MAD1L1: variants seen among roughly 807,000 people sequenced by gnomAD.
MAD1L1 encodes mitotic arrest deficient 1 like 1.
Under a neutral mutation model 96.9 loss-of-function variants are expected in MAD1L1, and 95 were observed. That is an observed-to-expected ratio of 0.98 (90% CI 0.83 to 1.16). The LOEUF (loss-of-function observed/expected upper bound fraction) is 1.16, where lower values mean the gene tolerates loss of function less well. MAD1L1 is among the 50% of genes most tolerant of loss of function. The pLI is 0.00. For synonymous variants in MAD1L1, 473 were observed against 396.6 expected, an observed-to-expected ratio of 1.19 and a Z score of -2.29; for missense variants, 1,007 against 954.4, an observed-to-expected ratio of 1.06 and a Z score of -0.73.
intron 11 of MAD1L1, among the ~76,000 whole-genome samples, chr7:2,106,556 G>C (rs73038472): frequency 1.3e-5 from 2 of 152,128 alleles, no homozygotes; most frequent in African/African-American, 2.4e-5. Flanking sequence ...TCCCAGGGGT[G>C]GGGGGAGAAG....
At chr7:1,958,408 T>C (rs1779817193) in intron 15 of MAD1L1, among the ~76,000 whole-genome samples, 1 of 152,064 alleles carries the variant, frequency 6.6e-6, no homozygotes, top group African/African-American at 2.4e-5. Flanking sequence ...GGTTTAAAAA[T>C]AAAAAAAGTC....
chr7:2,140,312 GC>G (rs1362316574), intron 11 of MAD1L1, among the ~76,000 whole-genome samples: 1 of 152,140 alleles, frequency 6.6e-6, no homozygotes, highest in African/African-American at 2.4e-5. Context: ...GCCCCCGTCC[GC>G]CCTGCACATG....
chr7:2,059,603 T>G (rs1046928792), intron 12 of MAD1L1, among the ~76,000 whole-genome samples: 96 of 23,036 alleles, frequency 4.2e-3, no homozygotes, highest in Admixed American at 6.6e-3. Context: ...ACGGGGCTGG[T>G]GGGGAAGCGT....
intron 18 of MAD1L1, among the ~76,000 whole-genome samples, chr7:1,895,123 C>T (rs1786786122): frequency 6.6e-6 from 1 of 152,162 alleles, no homozygotes; most frequent in African/African-American, 2.4e-5. Flanking sequence ...GCGAGCTGGG[C>T]CCAGGTGAAG....
intron 18 of MAD1L1, among the ~76,000 whole-genome samples, chr7:1,897,216 T>TC (rs1786933958): frequency 3.4e-5 from 3 of 87,414 alleles, no homozygotes; most frequent in Non-Finnish European, 6.5e-5. Context: ...CTGACGGACA[T>TC]GCGTAGGCCG....
At chr7:2,164,151 G>A (rs140244175) in intron 10 of MAD1L1, among the ~76,000 whole-genome samples, 1 of 152,216 alleles carries the variant, frequency 6.6e-6, no homozygotes, top group African/African-American at 2.4e-5. Flanking sequence ...ACGAACCGCT[G>A]TATAAACAGA....
chr7:2,094,648 G>T (rs941391094), intron 11 of MAD1L1, among the ~76,000 whole-genome samples: 1 of 141,920 alleles, frequency 7.0e-6, no homozygotes, highest in Non-Finnish European at 1.5e-5. Context: ...AGGCCCTGGG[G>T]CAGGAGCGGG....
chr7:1,900,095 C>G (rs1026114381), intron 17 of MAD1L1, among the ~76,000 whole-genome samples: 3 of 152,202 alleles, frequency 2.0e-5, no homozygotes, highest in Non-Finnish European at 2.9e-5. Flanking sequence ...GCTGGGCACC[C>G]CCGATGGCGT....
intron 5 of MAD1L1, among the ~76,000 whole-genome samples, chr7:2,220,291 A>G (rs567165885): frequency 9.9e-5 from 15 of 152,274 alleles, no homozygotes; most frequent in African/African-American, 3.4e-4. Context: ...AGCCTCCAGG[A>G]CAGCAGGTCT....
intron 12 of MAD1L1, among the ~76,000 whole-genome samples, chr7:2,038,787 G>T (rs554192386): frequency 6.6e-6 from 1 of 152,114 alleles, no homozygotes; most frequent in East Asian, 1.9e-4. Flanking sequence ...AAAGTGCTGG[G>T]ATTCCATGCA....
At chr7:1,940,816 T>C (rs1248631801) in intron 16 of MAD1L1, among the ~76,000 whole-genome samples, 2 of 152,074 alleles carry the variant, frequency 1.3e-5, no homozygotes, top group Non-Finnish European at 2.9e-5. Context: ...TGTACAACGG[T>C]TCTTAGTTGA....
intron 14 of MAD1L1, among the ~76,000 whole-genome samples, chr7:1,987,967 G>A (rs975076080): frequency 6.6e-6 from 1 of 152,224 alleles, no homozygotes; most frequent in African/African-American, 2.4e-5. Context: ...GGAGGAGGCT[G>A]AGCTGGCAGG....
At position 2,091,671 on chromosome 7, in the gene MAD1L1, G is replaced by A. The variant is rs544776578; in HGVS notation, c.1074-22333C>T. Among the ~76,000 whole-genome samples, 7 of 152,148 alleles carry A rather than the reference G, an allele frequency of 4.6e-5. No homozygotes were observed. In the South Asian group the frequency reaches 1.0e-3, roughly 23 times the overall value. ...GGCGCCTGTAGTCCCAGCTACTCTG[G>A]AGGCTGAGGCAGAAGAATGGCGTGA... On this transcript the variant is annotated intron_variant, in intron 11 of 18. Coordinates refer to ENST00000265854, the MANE Select transcript of MAD1L1 (RefSeq NM_001013836.2).
At chr7:1,980,612 G>T in intron 14 of MAD1L1, 71 bp from the exon 15 acceptor site, 1 of 1,283,420 alleles carries the variant, frequency 7.8e-7, no homozygotes, top group Non-Finnish European at 1.1e-6. Flanking sequence ...CCCCAGCCCA[G>T]GCCCCTGAGA....
chr7:2,184,079 T>C (rs1219623376), intron 10 of MAD1L1, among the ~76,000 whole-genome samples: 10 of 151,484 alleles, frequency 6.6e-5, no homozygotes, highest in Admixed American at 6.6e-4. Flanking sequence ...TGAAACCCCA[T>C]CTCTACTAAA....
At chr7:1,962,224 A>C (rs971993020) in intron 15 of MAD1L1, among the ~76,000 whole-genome samples, 1 of 152,206 alleles carries the variant, frequency 6.6e-6, no homozygotes, top group African/African-American at 2.4e-5. Context: ...ACAAGATCTG[A>C]TTTTATAAGG....
chr7:1,999,201 C>T (rs1457666650), intron 14 of MAD1L1, among the ~76,000 whole-genome samples: 1 of 152,204 alleles, frequency 6.6e-6, no homozygotes, highest in Non-Finnish European at 1.5e-5. Context: ...CAAACTACAT[C>T]AGCAATGAAA....
intron 10 of MAD1L1, among the ~76,000 whole-genome samples, chr7:2,207,133 C>T (rs559391130): frequency 6.6e-6 from 1 of 151,338 alleles, no homozygotes; most frequent in Non-Finnish European, 1.5e-5. Flanking sequence ...TCTGCTGGGG[C>T]TTTGATTGGG....
chr7:1,826,701 G>C (rs1782413493), intron 18 of MAD1L1, among the ~76,000 whole-genome samples: 1 of 152,266 alleles, frequency 6.6e-6, no homozygotes, highest in Non-Finnish European at 1.5e-5. Flanking sequence ...AGCTTGGACA[G>C]AACGCCGAGA....
Sources: gnomAD v4.1 joint callset for allele counts (sites outside exome capture counted in the v4.1 genomes callset) on GRCh38, gnomAD v4.1.1 for gene constraint, MANE v1.5 for transcripts, NCBI Gene and HGNC (gene_info 2026-07-23, HGNC 2026-07-21) for gene names.